MAGI2: variants seen among roughly 807,000 people sequenced by gnomAD.
The protein encoded by MAGI2 is membrane-associated guanylate kinase, WW and PDZ domain-containing protein 2.
A neutral mutation model predicts 133.3 loss-of-function variants in MAGI2; 35 were observed. The ratio of observed to expected loss-of-function variants is 0.26; its 90% CI spans 0.20 to 0.35. MAGI2 has a LOEUF of 0.35. MAGI2 is among the 10% of genes least tolerant of loss of function. MAGI2 has a pLI of 1.00. For synonymous variants in MAGI2, 729 were observed against 710.6 expected (o/e 1.03, Z -0.41); for missense variants, 1,636 against 1,863.4 (o/e 0.88, Z 2.25).
In MAGI2 at chr7:79,302,555, T is replaced by G. The variant is rs542761296; in HGVS notation, c.301+150465A>C. Among the ~76,000 whole-genome samples, 338 of 134,290 alleles carry G rather than the reference T, an allele frequency of 2.5e-3. 1 individual carries two copies. Among genetic ancestry groups the G allele is most frequent in the Non-Finnish European group, 4.1e-3 (257 of 62,986 alleles). 88.1% of individuals were successfully genotyped at this position (134,290 alleles called of 152,430 possible). The stretch of plus-strand genomic sequence containing the variant: ...ATATTTAAAGTTGATGGATACCATG[T>G]GCCTTCAACAATCTTTTCTAAATAT... On this transcript the variant is annotated intron_variant, in intron 1 of 21. Coordinates refer to ENST00000354212, the MANE Select transcript of MAGI2 (RefSeq NM_012301.4).
intron 16 of MAGI2, among the ~76,000 whole-genome samples, chr7:78,148,716 A>C (rs903359430): frequency 1.3e-5 from 2 of 152,150 alleles, no homozygotes. Flanking sequence ...GCATAGTCAC[A>C]GTGGTATGAC....
At chr7:78,920,635 C>A (rs1463501203) in intron 2 of MAGI2, among the ~76,000 whole-genome samples, 1 of 152,064 alleles carries the variant, frequency 6.6e-6, no homozygotes, top group Non-Finnish European at 1.5e-5. Flanking sequence ...GTTCTACATT[C>A]ATTATGGTCT....
At chr7:78,374,528 T>C (rs1794248547) in intron 6 of MAGI2, among the ~76,000 whole-genome samples, 1 of 152,184 alleles carries the variant, frequency 6.6e-6, no homozygotes, top group African/African-American at 2.4e-5. Context: ...TGTTGATAGT[T>C]CCTTTTGCTG....
At chr7:78,250,579 A>T (rs1430182428) in intron 10 of MAGI2, among the ~76,000 whole-genome samples, 1 of 152,120 alleles carries the variant, frequency 6.6e-6, no homozygotes, top group Non-Finnish European at 1.5e-5. Flanking sequence ...GAAAATCAGC[A>T]ATTTCAAAAG....
intron 1 of MAGI2, among the ~76,000 whole-genome samples, chr7:79,028,269 G>GTATGTATATATATATA (rs1562805339): frequency 4.7e-5 from 1 of 21,356 alleles, no homozygotes; most frequent in African/African-American, 1.4e-4. Context: ...ATATATATAT[G>GTATGTATATATATATA]TATGTATGTA....
intron 20 of MAGI2, among the ~76,000 whole-genome samples, chr7:78,117,935 C>T (rs927496013): frequency 9.9e-5 from 15 of 152,074 alleles, no homozygotes; most frequent in Non-Finnish European, 1.5e-4. Flanking sequence ...GGAAGACTGA[C>T]ACTACTTACC....
intron 1 of MAGI2, among the ~76,000 whole-genome samples, chr7:79,265,242 C>A (rs868861627): frequency 7.2e-5 from 11 of 152,110 alleles, no homozygotes; most frequent in African/African-American, 2.4e-4. Flanking sequence ...CTTACTGAAC[C>A]AGAGACTTGC....
intron 20 of MAGI2, among the ~76,000 whole-genome samples, chr7:78,079,433 C>T (rs541460500): frequency 7.2e-5 from 11 of 152,132 alleles, no homozygotes; most frequent in Admixed American, 2.0e-4. Flanking sequence ...GGCATCTTTG[C>T]TTTGAATCAA....
chr7:78,295,839 T>C (rs1001347666), intron 9 of MAGI2, among the ~76,000 whole-genome samples: 3 of 152,150 alleles, frequency 2.0e-5, no homozygotes, highest in Non-Finnish European at 4.4e-5. Flanking sequence ...TGAACGTGCA[T>C]AAAACTGCTT....
chr7:78,656,849 A>G (rs904938076), intron 2 of MAGI2, among the ~76,000 whole-genome samples: 2 of 152,130 alleles, frequency 1.3e-5, no homozygotes, highest in African/African-American at 4.8e-5. Flanking sequence ...TGATATGCAA[A>G]AAACACTGTC....
rs114127334 is a variant in MAGI2, at chr7:78,357,627, T to C, written c.1103+11529A>G. 7.7e-3 allele frequency among the ~76,000 whole-genome samples: 1,174 copies of C among 152,326 alleles called. 21 individuals carry two copies. The highest frequency in any genetic ancestry group is 0.026 in the African/African-American group (1,065 of 41,576). On this transcript the variant is annotated intron_variant, in intron 7 of 21. Coordinates refer to ENST00000354212, the MANE Select transcript of MAGI2 (RefSeq NM_012301.4). Reference sequence around the variant, plus strand: ...TGCTTAGTGGAAAGTTGAATTAAGATCTTTACATGACAACAAACTCAACAA... The same window carrying C: ...TGCTTAGTGGAAAGTTGAATTAAGACCTTTACATGACAACAAACTCAACAA...
In MAGI2 at chr7:79,028,334, T is replaced by TACAC. The variant is rs748928173; in HGVS notation, c.302-21129_302-21128insGTGT. On this transcript the variant is annotated intron_variant, in intron 1 of 21. Coordinates refer to ENST00000354212, the MANE Select transcript of MAGI2 (RefSeq NM_012301.4). ...ATATACACACATATATATACATATATATACACACACACACACACACATACA... is the reference window on the plus strand; with the variant it reads ...ATATACACACATATATATACATATATACACATACACACACACACACACACATACA... Among the ~76,000 whole-genome samples, 227 of 31,852 alleles carry TACAC rather than the reference T, an allele frequency of 7.1e-3. 8 individuals are homozygous for TACAC. Among genetic ancestry groups the TACAC allele is most frequent in the African/African-American group, 0.012 (108 of 8,900 alleles). 20.9% of individuals were successfully genotyped at this position (31,852 alleles called of 152,430 possible).
At chr7:79,234,035 A>G (rs1480550513) in intron 1 of MAGI2, among the ~76,000 whole-genome samples, 68 of 141,150 alleles carry the variant, frequency 4.8e-4, no homozygotes, top group African/African-American at 1.7e-3. Context: ...AAAGTATTTT[A>G]TTTCTCCTTC....
At chr7:78,948,999 A>T (rs1416538228) in intron 2 of MAGI2, among the ~76,000 whole-genome samples, 3 of 152,138 alleles carry the variant, frequency 2.0e-5, no homozygotes, top group Admixed American at 2.0e-4. Flanking sequence ...AGTCACAAAG[A>T]AAGTTCAGAA....
intron 2 of MAGI2, among the ~76,000 whole-genome samples, chr7:78,799,594 C>T (rs1381331022): frequency 6.6e-6 from 1 of 152,152 alleles, no homozygotes; most frequent in Non-Finnish European, 1.5e-5. Flanking sequence ...TCTGTGTGAG[C>T]TGCATTACTC....
At chr7:78,604,154 A>G (rs1805530064) in intron 3 of MAGI2, among the ~76,000 whole-genome samples, 1 of 152,208 alleles carries the variant, frequency 6.6e-6, no homozygotes, top group Non-Finnish European at 1.5e-5. Context: ...GCTGGTATCA[A>G]AACGATGAGT....
intron 10 of MAGI2, among the ~76,000 whole-genome samples, chr7:78,232,699 TA>T (rs1258474078): frequency 5.9e-5 from 9 of 152,170 alleles, no homozygotes; most frequent in Admixed American, 5.2e-4. Context: ...GAAGAAATGA[TA>T]AAGATTCTTA....
In MAGI2 at chr7:78,511,533, T is replaced by TTA. The variant is rs71978982; in HGVS notation, c.755-9748_755-9747dup. 1.9e-3 allele frequency among the ~76,000 whole-genome samples: 258 copies of TTA among 134,550 alleles called. 3 individuals carry two copies. In the Middle Eastern group the frequency reaches 0.027, roughly 14 times the overall value. The allele number at this position is 134,550 out of a possible 152,430, so 88.3% of individuals were successfully genotyped here. A position where few individuals can be genotyped will look rare whatever the true frequency, so the allele number is the denominator to read the frequency against. ...GTGACTTTTTTTTGCTCACCATCTT[T>TTA]TATATATATATATATAAATTTTTTT... On this transcript the variant is annotated intron_variant, in intron 4 of 21. Transcript: ENST00000354212.
intron 21 of MAGI2, among the ~76,000 whole-genome samples, chr7:78,041,068 G>A (rs553022261): frequency 6.6e-6 from 1 of 152,230 alleles, no homozygotes; most frequent in East Asian, 1.9e-4. Context: ...GACCACATCT[G>A]ATTCTTCTCA....
Sources: gnomAD v4.1 joint callset for allele counts (sites outside exome capture counted in the v4.1 genomes callset) on GRCh38, gnomAD v4.1.1 for gene constraint, MANE v1.5 for transcripts, NCBI Gene and HGNC (gene_info 2026-07-23, HGNC 2026-07-21) for gene names.